Variants in DACH2 observed in about 807,000 individuals in gnomAD.
DACH2 encodes dachshund homolog 2.
DACH2 carries 17 observed loss-of-function variants against 35.8 expected under a neutral mutation model. The ratio of observed to expected loss-of-function variants is 0.48; its 90% CI spans 0.33 to 0.71. The LOEUF (loss-of-function observed/expected upper bound fraction) is 0.71, where lower values mean the gene tolerates loss of function less well. Ranked by LOEUF, DACH2 falls within the 30% of genes least tolerant of loss-of-function variation. The probability of loss-of-function intolerance (pLI) is 0.02; values close to 1 mark genes in which losing one functional copy is unlikely to be tolerated. For missense variants in DACH2, 469 were observed against 472.7 expected, an observed-to-expected ratio of 0.99 and a Z score of 0.07; for synonymous variants, 195 against 177.3, an observed-to-expected ratio of 1.10 and a Z score of -0.79.
At position 86,398,851 on chromosome X, in the gene DACH2, T is replaced by A. The variant is rs1371243011; in HGVS notation, c.527+21989T>A. ...GGAATAGGTGTGGTGCTGAAAAGAATGTATATTCTGTTGATTTGGGGTGGA... is the reference window on the plus strand; with the variant it reads ...GGAATAGGTGTGGTGCTGAAAAGAAAGTATATTCTGTTGATTTGGGGTGGA... On this transcript the variant is annotated intron_variant, in intron 2 of 11. Coordinates refer to ENST00000373125, the MANE Select transcript of DACH2 (RefSeq NM_053281.3). 2.7e-5 allele frequency among the ~76,000 whole-genome samples: 3 copies of A among 111,901 alleles called. No individual in the cohort carries two copies. The East Asian group carries it at 8.4e-4, about 31-fold the overall frequency.
At chrX:86,233,877 G>C (rs1182011861) in intron 1 of DACH2, among the ~76,000 whole-genome samples, 1 of 111,861 alleles carries the variant, frequency 8.9e-6, no homozygotes, top group Non-Finnish European at 1.9e-5. Context: ...TGAGAACAGT[G>C]TGGGGGACAC....
chrX:86,811,242 G>A (rs976253227), intron 7 of DACH2, among the ~76,000 whole-genome samples: 1 of 111,653 alleles, frequency 9.0e-6, no homozygotes, highest in Admixed American at 9.6e-5. Context: ...TTTATTCAGA[G>A]ATAGTACTAA....
rs1400619813 is a variant in DACH2, at chrX:86,596,021, C to T, written c.641-55015C>T. Among the ~76,000 whole-genome samples, 3 of 111,131 alleles carry T rather than the reference C, an allele frequency of 2.7e-5. No individual in the cohort carries two copies. In the East Asian group the frequency reaches 8.5e-4, roughly 31 times the overall value. ...TAAATGTATTCATACAATATATGGC[C>T]TTCTGTACTTGGCATCTTTCATATA... On this transcript the variant is annotated intron_variant, in intron 3 of 11. Coordinates refer to ENST00000373125, the MANE Select transcript of DACH2 (RefSeq NM_053281.3).
rs1300187568 is a variant in DACH2, at chrX:86,363,710, C to T, written c.489-13114C>T. On this transcript the variant is annotated intron_variant, in intron 1 of 11. Transcript: ENST00000373125. Reference sequence around the variant, plus strand: ...CTTCTGAAAAATCGTTTGGAAATATCGTGGGATCTGGTATTAAGATATTAT... The same window carrying T: ...CTTCTGAAAAATCGTTTGGAAATATTGTGGGATCTGGTATTAAGATATTAT... 5.4e-5 allele frequency among the ~76,000 whole-genome samples: 6 copies of T among 110,495 alleles called. No individual in the cohort carries two copies. The Admixed American group carries it at 5.9e-4, about 11-fold the overall frequency.
At chrX:86,576,785 A>G (rs1308515286) in intron 3 of DACH2, among the ~76,000 whole-genome samples, 1 of 110,730 alleles carries the variant, frequency 9.0e-6, no homozygotes, top group Non-Finnish European at 1.9e-5. Context: ...CTTGGGGGTG[A>G]GCTCTCTTTC....
chrX:86,509,189 T>C (rs1418617259), intron 2 of DACH2, among the ~76,000 whole-genome samples: 1 of 111,299 alleles, frequency 9.0e-6, no homozygotes, highest in African/African-American at 3.3e-5. Flanking sequence ...GCGTATAAGA[T>C]CTGAAAAGGG....
intron 3 of DACH2, among the ~76,000 whole-genome samples, chrX:86,546,002 A>G (rs151147918): frequency 0.017 from 1,915 of 111,152 alleles, 18 homozygotes; most frequent in Non-Finnish European, 0.026. Context: ...AATTATTCCT[A>G]TGAAAAATAT....
At position 86,714,692 on chromosome X, in the gene DACH2, T is replaced by A. The variant is rs778375276; in HGVS notation, c.1076T>A (p.Leu359His). The change falls in exon 6 of 12, where the codon CTC becomes CAC. Residue 359 changes from leucine (L) to histidine (H), a missense_variant. Leu to His is a moderately conservative substitution (Grantham distance 99). Coordinates refer to ENST00000373125, the MANE Select transcript of DACH2 (RefSeq NM_053281.3). ...GCTGCAGCACAGATTCACAGTCCAC[T>A]CTCCAGAGCTGGTACCTCTGTTATA... ...MAAAAQIHSP[L>H]SRAGTSVIKE... 1.4e-5 allele frequency: 16 copies of A among 1,176,380 alleles called. No individual in the cohort carries two copies. In the Admixed American group the frequency reaches 3.4e-4, roughly 25 times the overall value.
chrX:86,456,915 C>T (rs1278392193), intron 2 of DACH2, among the ~76,000 whole-genome samples: 1 of 111,574 alleles, frequency 9.0e-6, no homozygotes, highest in Non-Finnish European at 1.9e-5. Flanking sequence ...TTCCACTCCA[C>T]TCTCTTCTTA....
intron 2 of DACH2, among the ~76,000 whole-genome samples, chrX:86,379,451 C>A (rs2036014734): frequency 9.4e-6 from 1 of 106,837 alleles, no homozygotes; most frequent in Admixed American, 1.0e-4. Flanking sequence ...AATCCAAAAG[C>A]ATATTTGTCT....
intron 3 of DACH2, among the ~76,000 whole-genome samples, chrX:86,525,442 T>A (rs771763104): frequency 1.8e-5 from 2 of 111,862 alleles, no homozygotes; most frequent in Non-Finnish European, 3.8e-5. Flanking sequence ...GGTTGATGAT[T>A]ATTGTTATTA....
intron 1 of DACH2, among the ~76,000 whole-genome samples, chrX:86,269,602 C>G (rs1300966853): frequency 9.0e-6 from 1 of 111,478 alleles, no homozygotes; most frequent in African/African-American, 3.3e-5. Flanking sequence ...AAATTTCACA[C>G]TTAACAGAAT....
chrX:86,496,867 CA>C lies in DACH2; in HGVS notation c.528-17411del. On this transcript the variant is annotated intron_variant, in intron 2 of 11. Coordinates refer to ENST00000373125, the MANE Select transcript of DACH2 (RefSeq NM_053281.3). ...AAGGATTCACTTGCAAAGAGGATTG[CA>C]TGGTTTGAATCTCCCACCAATGCCA... Among the ~76,000 whole-genome samples, 3 of 111,328 alleles carry C rather than the reference CA, an allele frequency of 2.7e-5. No homozygotes were observed. The Middle Eastern group carries it at 0.014, about 515-fold the overall frequency.
intron 3 of DACH2, among the ~76,000 whole-genome samples, chrX:86,550,194 T>C (rs2039029702): frequency 9.0e-6 from 1 of 111,622 alleles, no homozygotes; most frequent in Non-Finnish European, 1.9e-5. Context: ...TTGATATTTT[T>C]GAACTTGAGG....
At chrX:86,762,100 C>A (rs1216515775) in intron 7 of DACH2, among the ~76,000 whole-genome samples, 2 of 111,421 alleles carry the variant, frequency 1.8e-5, no homozygotes, top group East Asian at 5.6e-4. Flanking sequence ...CAAGAAATTA[C>A]TTTTAAAGGA....
At chrX:86,681,045 T>G (rs2040875728) in intron 4 of DACH2, among the ~76,000 whole-genome samples, 1 of 111,161 alleles carries the variant, frequency 9.0e-6, no homozygotes, top group Non-Finnish European at 1.9e-5. Flanking sequence ...TCTATCTATC[T>G]GTGTGTCTGT....
chrX:86,151,109 C>G (rs1023528965), intron 1 of DACH2, among the ~76,000 whole-genome samples: 1 of 110,868 alleles, frequency 9.0e-6, no homozygotes. Flanking sequence ...TAAATGGAAA[C>G]TTTTCCTAAT....
At chrX:86,815,876 C>T (rs1215231151) in intron 10 of DACH2, among the ~76,000 whole-genome samples, 158 bp from the exon 11 acceptor site, 1 of 109,888 alleles carries the variant, frequency 9.1e-6, no homozygotes, top group Non-Finnish European at 1.9e-5. Flanking sequence ...AATCATCCCT[C>T]CTACCATTAA....
At chrX:86,661,435 A>T (rs2040604276) in intron 4 of DACH2, among the ~76,000 whole-genome samples, 2 of 112,709 alleles carry the variant, frequency 1.8e-5, no homozygotes, top group South Asian at 7.2e-4. Context: ...GAATCATACA[A>T]TACGTGACCT....
Sources: gnomAD v4.1 joint callset for allele counts (sites outside exome capture counted in the v4.1 genomes callset) on GRCh38, gnomAD v4.1.1 for gene constraint, MANE v1.5 for transcripts, NCBI Gene and HGNC (gene_info 2026-07-23, HGNC 2026-07-21) for gene names.